The following VAV3 variants were observed in gnomAD, a reference collection of about 807,000 sequenced individuals.
VAV3 encodes vav guanine nucleotide exchange factor 3.
Under a neutral mutation model 131.2 loss-of-function variants are expected in VAV3, and 94 were observed. That is an observed-to-expected ratio of 0.72 (90% CI 0.61 to 0.85). The LOEUF (loss-of-function observed/expected upper bound fraction) is 0.85. VAV3 is among the 40% of genes least tolerant of loss of function. The pLI, the probability that VAV3 is intolerant of heterozygous loss-of-function variation, is 0.00. For missense variants in VAV3, 939 were observed against 1,002.7 expected, an observed-to-expected ratio of 0.94 and a Z score of 0.86; for synonymous variants, 349 against 342.0, an observed-to-expected ratio of 1.02 and a Z score of -0.22.
chr1:107,700,767 G>A (rs1660070623), intron 17 of VAV3, among the ~76,000 whole-genome samples: 1 of 152,196 alleles, frequency 6.6e-6, no homozygotes, highest in African/African-American at 2.4e-5. Flanking sequence ...ACATACGCAT[G>A]CATGTATCTT....
At chr1:107,709,321 A>T (rs1660637158) in intron 15 of VAV3, among the ~76,000 whole-genome samples, 1 of 152,182 alleles carries the variant, frequency 6.6e-6, no homozygotes, top group Non-Finnish European at 1.5e-5. Context: ...AGAAATCAGA[A>T]AAAATATGCT....
intron 25 of VAV3, among the ~76,000 whole-genome samples, chr1:107,575,384 C>T (rs545457868): frequency 1.3e-5 from 2 of 152,312 alleles, no homozygotes; most frequent in East Asian, 3.9e-4. Context: ...CTGGAAGAGC[C>T]TGCCCACTTG....
At chr1:107,624,424 A>G (rs1653853277) in intron 20 of VAV3, among the ~76,000 whole-genome samples, 1 of 146,902 alleles carries the variant, frequency 6.8e-6, no homozygotes, top group Non-Finnish European at 1.5e-5. Context: ...GAAAGAAACA[A>G]GAGAATACCT....
Position 107,657,546 on chromosome 1 carries a change from G to A in VAV3, c.1778-14791C>T, listed in dbSNP as rs148194816. On this transcript the variant is annotated intron_variant, in intron 19 of 26. Transcript: ENST00000370056. ...TTAATCCTTTTTGACGTTTTGTCCC[G>A]AGAGTTGCCTCTGGGTATATATTGT... is the stretch of plus-strand genomic sequence containing the variant. 2.0e-3 allele frequency among the ~76,000 whole-genome samples: 302 copies of A among 152,190 alleles called. 5 individuals are homozygous for A. Among genetic ancestry groups the A allele is most frequent in the East Asian group, 2.5e-3 (13 of 5,176 alleles).
chr1:107,680,829 C>T (rs896004214), intron 19 of VAV3, among the ~76,000 whole-genome samples: 2 of 152,182 alleles, frequency 1.3e-5, no homozygotes, highest in African/African-American at 4.8e-5. Context: ...TGCCGAAGTT[C>T]AAACAGCAAG....
At chr1:107,929,539 T>C (rs942340336) in intron 1 of VAV3, among the ~76,000 whole-genome samples, 1 of 152,096 alleles carries the variant, frequency 6.6e-6, no homozygotes, top group African/African-American at 2.4e-5. Context: ...CAGAATATTA[T>C]ATAACATTGT....
At chr1:107,800,858 G>T (rs1335455286) in intron 2 of VAV3, among the ~76,000 whole-genome samples, 1 of 152,042 alleles carries the variant, frequency 6.6e-6, no homozygotes, top group Non-Finnish European at 1.5e-5. Context: ...TGCTTTGGCT[G>T]CCTGTGCTTT....
At chr1:107,920,647 T>C (rs897441711) in intron 1 of VAV3, among the ~76,000 whole-genome samples, 2 of 152,200 alleles carry the variant, frequency 1.3e-5, no homozygotes, top group Non-Finnish European at 2.9e-5. Context: ...TATTGCAAAA[T>C]TGTTTTATGT....
chr1:107,754,519 T>TGCTGGCTGG (rs1663981530), intron 12 of VAV3, among the ~76,000 whole-genome samples: 1 of 152,232 alleles, frequency 6.6e-6, no homozygotes, highest in Non-Finnish European at 1.5e-5. Flanking sequence ...TTCAACAGCT[T>TGCTGGCTGG]GCTGGCTGGG....
At chr1:107,678,355 G>A (rs901187195) in intron 19 of VAV3, among the ~76,000 whole-genome samples, 1 of 152,116 alleles carries the variant, frequency 6.6e-6, no homozygotes, top group African/African-American at 2.4e-5. Context: ...ACAGAAGCAG[G>A]TTTGACTGAT....
chr1:107,945,444 T>C lies in VAV3; in HGVS notation c.204+19222A>G, dbSNP rs1324532622. 2.6e-5 allele frequency among the ~76,000 whole-genome samples: 4 copies of C among 152,222 alleles called. No individual in the cohort carries two copies. The East Asian group carries it at 7.7e-4, about 29-fold the overall frequency. ...TTCCTCCATATTTATTGAGCACTAGTGCTGGTCATTGTGCTGATCCCCAGG... is the reference window on the plus strand; with the variant it reads ...TTCCTCCATATTTATTGAGCACTAGCGCTGGTCATTGTGCTGATCCCCAGG... On this transcript the variant is annotated intron_variant, in intron 1 of 26. Transcript: ENST00000370056.
chr1:107,728,463 T>G (rs1661987230), intron 15 of VAV3, among the ~76,000 whole-genome samples: 1 of 152,096 alleles, frequency 6.6e-6, no homozygotes, highest in Non-Finnish European at 1.5e-5. Context: ...AATCTGTTAA[T>G]TGATCTATCT....
At position 107,676,102 on chromosome 1, in the gene VAV3, T is replaced by C. The variant is rs907438099; in HGVS notation, c.1777+7386A>G. 2.0e-5 allele frequency among the ~76,000 whole-genome samples: 3 copies of C among 152,178 alleles called. 1 individual carries two copies. The highest frequency in any genetic ancestry group is 4.4e-5 in the Non-Finnish European group (3 of 68,032). On this transcript the variant is annotated intron_variant, in intron 19 of 26. Transcript: ENST00000370056. ...GAAACTTGTTGCACACAATAATAGATGTACATTTTAATCTGCTAAAACCAA... is the reference window on the plus strand; with the variant it reads ...GAAACTTGTTGCACACAATAATAGACGTACATTTTAATCTGCTAAAACCAA...
intron 19 of VAV3, among the ~76,000 whole-genome samples, chr1:107,659,822 T>C (rs565126984): frequency 2.0e-4 from 31 of 152,258 alleles, no homozygotes; most frequent in African/African-American, 6.7e-4. Context: ...GTAAAATCTA[T>C]TGATTGGGTA....
At chr1:107,779,584 G>C in intron 2 of VAV3, 92 bp from the exon 3 acceptor site, 2 of 931,742 alleles carry the variant, frequency 2.1e-6, no homozygotes, top group Admixed American at 3.4e-5. Flanking sequence ...ATTAACCATA[G>C]CAGCAGAAAC....
At chr1:107,770,798 C>A in intron 5 of VAV3, 70 bp from the exon 6 acceptor site, 2 of 1,267,960 alleles carry the variant, frequency 1.6e-6, no homozygotes, top group South Asian at 2.7e-5. Context: ...AAGTAGAGAT[C>A]AAAAGCATTG....
At chr1:107,841,639 G>A (rs1320961846) in intron 2 of VAV3, among the ~76,000 whole-genome samples, 1 of 152,118 alleles carries the variant, frequency 6.6e-6, no homozygotes, top group Admixed American at 6.5e-5. Context: ...ACTGCGATGG[G>A]AAGTAGAAAT....
chr1:107,917,091 G>C (rs1672659855), intron 1 of VAV3, among the ~76,000 whole-genome samples: 1 of 152,140 alleles, frequency 6.6e-6, no homozygotes, highest in Non-Finnish European at 1.5e-5. Flanking sequence ...GCTGGGTGCA[G>C]AAAGTCATCA....
chr1:107,964,561 G>T, intron 1 of VAV3, 105 bp downstream of exon 1: 1 of 1,295,946 alleles, frequency 7.7e-7, no homozygotes, highest in Non-Finnish European at 1.1e-6. Context: ...TGGGAAGCAG[G>T]GCAAGCTCAG....
Sources: allele counts gnomAD v4.1 joint callset (sites outside exome capture counted in the v4.1 genomes callset), GRCh38; gene constraint gnomAD v4.1.1; transcripts MANE v1.5; gene names NCBI Gene and HGNC (gene_info 2026-07-23, HGNC 2026-07-21).